Variants in SPMIP8 observed in about 807,000 individuals in gnomAD.
SPMIP8 encodes the protein testicular tissue protein Li 196.
At chr16:57,984,327 C>T in the SPMIP8 span, 888 of 1,614,246 alleles carry the variant, frequency 5.5e-4, 8 homozygotes, top group African/African-American at 0.011. Flanking sequence ...GCCCATTTTA[C>T]ACTCCTTGGG....
the SPMIP8 span, among the ~76,000 whole-genome samples, chr16:57,982,766 A>G: frequency 2.6e-5 from 4 of 152,242 alleles, no homozygotes; most frequent in Admixed American, 6.5e-5. Context: ...GCAGTGGCTC[A>G]CGCCTGTAAT....
At chr16:57,977,828 C>A in the SPMIP8 span, 2 of 1,613,556 alleles carry the variant, frequency 1.2e-6, no homozygotes, top group South Asian at 1.1e-5. Flanking sequence ...TGGCCCGCAT[C>A]ATTGACCTGG....
the SPMIP8 span, chr16:57,976,682 C>T: frequency 1.2e-6 from 2 of 1,603,136 alleles, no homozygotes; most frequent in Non-Finnish European, 1.7e-6. Context: ...TATCCGTGAT[C>T]CCCCTCCCTG....
the SPMIP8 span, chr16:57,985,928 G>C: frequency 1.2e-6 from 2 of 1,612,290 alleles, no homozygotes; most frequent in African/African-American, 1.3e-5. Flanking sequence ...CCGAAGCTTC[G>C]GCTCCAGCTA....
At chr16:57,982,885 C>T in the SPMIP8 span, among the ~76,000 whole-genome samples, 1 of 152,074 alleles carries the variant, frequency 6.6e-6, no homozygotes, top group Non-Finnish European at 1.5e-5. Flanking sequence ...CAAAAATTAG[C>T]CAGGCATGGT....
chr16:57,987,420 G>A, the SPMIP8 span: 19 of 1,596,682 alleles, frequency 1.2e-5, no homozygotes, highest in Non-Finnish European at 1.5e-5. Context: ...TGACCCCCTG[G>A]CATTAATCTC....
At chr16:57,985,022 G>A in the SPMIP8 span, among the ~76,000 whole-genome samples, 3 of 152,170 alleles carry the variant, frequency 2.0e-5, no homozygotes, top group African/African-American at 7.2e-5. Context: ...GCGGAGCCAG[G>A]CGGAGCCTTC....
At chr16:57,985,677 G>A in the SPMIP8 span, 3 of 1,309,598 alleles carry the variant, frequency 2.3e-6, no homozygotes, top group Admixed American at 8.4e-5. Context: ...CAATACACCA[G>A]AAACAAATTG....
chr16:57,986,895 T>C, the SPMIP8 span: 1 of 153,100 alleles, frequency 6.5e-6, no homozygotes, highest in Middle Eastern at 3.4e-3. Context: ...CCCGGCCTCC[T>C]TCATGCTCTT....
At chr16:57,981,431 T>TTATTATTATTATTATAATA in the SPMIP8 span, among the ~76,000 whole-genome samples, 1 of 133,132 alleles carries the variant, frequency 7.5e-6, no homozygotes, top group Non-Finnish European at 1.5e-5. Context: ...TTATTATTAT[T>TTATTATTATTATTATAATA]ATAATTTGGT....
At chr16:57,986,258 GA>G in the SPMIP8 span, 8 of 332,230 alleles carry the variant, frequency 2.4e-5, no homozygotes, top group African/African-American at 1.7e-4. Flanking sequence ...ACAAGGGAGA[GA>G]GCCGAGAATC....
the SPMIP8 span, chr16:57,986,081 G>A: frequency 5.4e-5 from 58 of 1,080,728 alleles, no homozygotes; most frequent in Admixed American, 1.9e-3. Context: ...CTGGGAGGGC[G>A]CGAGCTGCTT....
At chr16:57,985,054 T>C in the SPMIP8 span, 3 of 1,043,776 alleles carry the variant, frequency 2.9e-6, no homozygotes, top group Non-Finnish European at 3.9e-6. Context: ...TTTGCCCTGG[T>C]GGGGCAGCGG....
At chr16:57,984,283 C>T in the SPMIP8 span, 1 of 1,613,828 alleles carries the variant, frequency 6.2e-7, no homozygotes, top group Non-Finnish European at 8.5e-7. Context: ...ACCTCTTCTC[C>T]CTTTCTCTTG....
At chr16:57,983,228 C>G in the SPMIP8 span, among the ~76,000 whole-genome samples, 1 of 152,032 alleles carries the variant, frequency 6.6e-6, no homozygotes. Context: ...AGCAATCCTC[C>G]TGCCTCAGCT....
At chr16:57,977,812 C>T in the SPMIP8 span, 2 of 1,610,050 alleles carry the variant, frequency 1.2e-6, no homozygotes, top group South Asian at 1.1e-5. Flanking sequence ...CTCTGCCCCC[C>T]AGCTATGGCC....
chr16:57,984,971 G>A, the SPMIP8 span, among the ~76,000 whole-genome samples: 16 of 152,254 alleles, frequency 1.1e-4, no homozygotes, highest in African/African-American at 3.8e-4. Flanking sequence ...GAGCCGAGAC[G>A]TGCGCGCGGA....
chr16:57,982,230 A>C, the SPMIP8 span, among the ~76,000 whole-genome samples: 7 of 152,342 alleles, frequency 4.6e-5, no homozygotes, highest in Admixed American at 1.3e-4. Flanking sequence ...ATACTTCTAC[A>C]ACATCTAATA....
the SPMIP8 span, chr16:57,985,356 A>AG: frequency 6.3e-7 from 1 of 1,575,374 alleles, no homozygotes; most frequent in Non-Finnish European, 8.6e-7. Context: ...AGGGGGGAGG[A>AG]GACCCAGAGC....
Sources: gnomAD v4.1 joint callset for allele counts (sites outside exome capture counted in the v4.1 genomes callset) on GRCh38, gnomAD v4.1.1 for gene constraint, MANE v1.5 for transcripts, NCBI Gene and HGNC (gene_info 2026-07-23, HGNC 2026-07-21) for gene names.